Variants in ZNF600 observed in about 807,000 individuals in gnomAD.
ZNF600 encodes zinc finger protein 600.
ZNF600 carries 4 observed loss-of-function variants against 7.3 expected under a neutral mutation model. That is an observed-to-expected ratio of 0.55 (90% CI 0.27 to 1.25). ZNF600 has a LOEUF of 1.25. Among genes scored for constraint, ZNF600 ranks in the 50% most tolerant of loss-of-function variants. The pLI is 0.12. For synonymous variants in ZNF600, 290 were observed against 308.9 expected (o/e 0.94, Z 0.64); for missense variants, 911 against 922.1 (o/e 0.99, Z 0.16).
chr19:52,801,688 A>C, the ZNF600 span: 1 of 1,611,386 alleles, frequency 6.2e-7, no homozygotes. Context: ...TTCATCATGC[A>C]TTTGGAAGAG....
At chr19:52,827,473 G>A in the ZNF600 span, among the ~76,000 whole-genome samples, 2 of 152,068 alleles carry the variant, frequency 1.3e-5, no homozygotes, top group Admixed American at 6.6e-5. Flanking sequence ...CTGACACCAT[G>A]GGGCCCATAC....
chr19:52,775,051 C>T lies in ZNF600; in HGVS notation c.64-350G>A, dbSNP rs142098182. Among the ~76,000 whole-genome samples the T allele has an allele frequency of 1.9e-3, 286 of 152,128 alleles. 2 individuals carry two copies. Among genetic ancestry groups the T allele is most frequent in the African/African-American group, 5.9e-3 (244 of 41,504 alleles). ...TGTCAAGAGTTCGAGACCACCCTGG[C>T]CAACATGGTGAAAACCTGTCTCTAC... is the stretch of plus-strand genomic sequence containing the variant. On this transcript the variant is annotated intron_variant, in intron 2 of 3. Transcript: ENST00000648973.
At chr19:52,829,259 C>T in the ZNF600 span, among the ~76,000 whole-genome samples, 1 of 149,050 alleles carries the variant, frequency 6.7e-6, no homozygotes, top group Non-Finnish European at 1.5e-5. Context: ...TACATGTGCA[C>T]ATTGTGCAGG....
At chr19:52,767,296 C>T in exon 4 of ZNF600, 2 of 1,614,128 alleles carry the variant, frequency 1.2e-6, no homozygotes, top group Non-Finnish European at 1.7e-6. Flanking sequence ...ATGTATACTT[C>T]CTGTTTTTGT....
chr19:52,791,924 C>A, the ZNF600 span, among the ~76,000 whole-genome samples: 4 of 152,200 alleles, frequency 2.6e-5, no homozygotes, highest in Non-Finnish European at 5.9e-5. Context: ...GAGCTCAGCC[C>A]TCAGAAATGG....
intron 1 of ZNF600, among the ~76,000 whole-genome samples, chr19:52,779,915 C>T (rs888848618): frequency 3.3e-5 from 5 of 152,118 alleles, no homozygotes; most frequent in Admixed American, 2.0e-4. Context: ...ACTTGGGAAG[C>T]TCAGGCAGGA....
the ZNF600 span, among the ~76,000 whole-genome samples, chr19:52,825,656 G>T: frequency 0.73 from 110,790 of 151,922 alleles, 41,024 homozygotes; most frequent in African/African-American, 0.8. Context: ...GTGAGACACC[G>T]GTCTCACAAA....
the ZNF600 span, among the ~76,000 whole-genome samples, chr19:52,808,898 T>TAC: frequency 6.6e-6 from 1 of 152,074 alleles, no homozygotes; most frequent in African/African-American, 2.4e-5. Context: ...TAATAAAACC[T>TAC]AGAGACTCAC....
chr19:52,816,155 G>T, the ZNF600 span, among the ~76,000 whole-genome samples: 5 of 147,056 alleles, frequency 3.4e-5, no homozygotes, highest in Non-Finnish European at 7.4e-5. Flanking sequence ...CTAAGCTGCA[G>T]CTTTGCTTGG....
intron 3 of ZNF600, among the ~76,000 whole-genome samples, chr19:52,770,280 G>C (rs1390772948): frequency 6.6e-6 from 1 of 151,832 alleles, no homozygotes; most frequent in Non-Finnish European, 1.5e-5. Context: ...TCTCTACTAA[G>C]AATACAAAAA....
At chr19:52,810,527 A>G in the ZNF600 span, 1 of 1,597,030 alleles carries the variant, frequency 6.3e-7, no homozygotes. Flanking sequence ...GGTGATCCCA[A>G]AGCGAACCAA....
At chr19:52,766,455 G>A (rs757912261) in exon 4 of ZNF600, 24 of 1,612,860 alleles carry the variant, frequency 1.5e-5, no homozygotes, top group Non-Finnish European at 1.9e-5. Context: ...AGTATGAATT[G>A]ACTTATGAAT....
chr19:52,829,839 G>C, the ZNF600 span, among the ~76,000 whole-genome samples: 3 of 152,066 alleles, frequency 2.0e-5, no homozygotes, highest in Non-Finnish European at 4.4e-5. Flanking sequence ...ACAGGACAGT[G>C]AAATGACGGA....
At chr19:52,796,632 A>T in the ZNF600 span, among the ~76,000 whole-genome samples, 1 of 152,064 alleles carries the variant, frequency 6.6e-6, no homozygotes, top group East Asian at 1.9e-4. Context: ...ATGCCCAGCT[A>T]ATTTTTGTAT....
chr19:52,773,012 G>C (rs61277358), intron 3 of ZNF600, among the ~76,000 whole-genome samples: 17,075 of 150,328 alleles, frequency 0.11, 1,377 homozygotes, highest in African/African-American at 0.33. Context: ...ACAAGGTCTT[G>C]ACTTACTCAG....
exon 4 of ZNF600, chr19:52,765,378 T>C (rs2062560331): frequency 1.1e-5 from 9 of 828,262 alleles, no homozygotes; most frequent in South Asian, 4.1e-5. Context: ...ATGTTTTGCA[T>C]AGGATGAAGC....
At chr19:52,825,565 C>T in the ZNF600 span, among the ~76,000 whole-genome samples, 1 of 151,908 alleles carries the variant, frequency 6.6e-6, no homozygotes, top group Non-Finnish European at 1.5e-5. Flanking sequence ...CACAGCTACT[C>T]AGTTGGCTGA....
At chr19:52,797,234 G>A in the ZNF600 span, among the ~76,000 whole-genome samples, 8,630 of 152,308 alleles carry the variant, frequency 0.057, 308 homozygotes, top group African/African-American at 0.094. Flanking sequence ...TACCTCAACA[G>A]TACAAAGACA....
At chr19:52,811,741 G>A in the ZNF600 span, among the ~76,000 whole-genome samples, 14 of 147,472 alleles carry the variant, frequency 9.5e-5, no homozygotes, top group African/African-American at 1.8e-4. Context: ...CCCGGCAGCC[G>A]CCCCGTCCGG....
Sources: allele counts gnomAD v4.1 joint callset (sites outside exome capture counted in the v4.1 genomes callset), GRCh38; gene constraint gnomAD v4.1.1; transcripts MANE v1.5; gene names NCBI Gene and HGNC (gene_info 2026-07-23, HGNC 2026-07-21).